Variants in EXOC4 observed in about 807,000 individuals in gnomAD.
The protein encoded by EXOC4 is SEC8-like 1.
A neutral mutation model predicts 107.2 loss-of-function variants in EXOC4; 71 were observed. The ratio of observed to expected loss-of-function variants is 0.66; its 90% CI spans 0.55 to 0.81. The LOEUF is 0.81. Among genes scored for constraint, EXOC4 ranks in the 30% least tolerant of loss-of-function variants. EXOC4 has a pLI of 0.00. For synonymous variants in EXOC4, 456 were observed against 441.2 expected, an observed-to-expected ratio of 1.03 and a Z score of -0.42; for missense variants, 1,108 against 1,189.6, an observed-to-expected ratio of 0.93 and a Z score of 1.01.
At position 133,578,228 on chromosome 7, in the gene EXOC4, CATCTT is replaced by C. The variant is rs150036679; in HGVS notation, c.1418-51815_1418-51811del. 2.9e-3 allele frequency among the ~76,000 whole-genome samples: 444 copies of C among 152,266 alleles called. 4 individuals are homozygous for C. The highest frequency in any genetic ancestry group is 4.4e-3 in the Non-Finnish European group (297 of 67,994). On this transcript the variant is annotated intron_variant, in intron 9 of 17. Transcript: ENST00000253861. ...TCCCTTTTAAATCAGTTTCACCTCT[CATCTT>C]AGACTTATCGGGATTTTTATGAATG...
At chr7:133,540,041 C>T (rs1800349243) in intron 9 of EXOC4, among the ~76,000 whole-genome samples, 2 of 152,070 alleles carry the variant, frequency 1.3e-5, no homozygotes, top group Non-Finnish European at 2.9e-5. Flanking sequence ...CCACCAGCAA[C>T]CTCTAAAACC....
At chr7:134,008,944 T>G (rs1444562885) in intron 17 of EXOC4, among the ~76,000 whole-genome samples, 1 of 152,200 alleles carries the variant, frequency 6.6e-6, no homozygotes, top group African/African-American at 2.4e-5. Flanking sequence ...ATCTCAATTT[T>G]TAATGTTTTT....
chr7:133,647,906 A>G (rs1169759136), intron 10 of EXOC4, among the ~76,000 whole-genome samples: 1 of 152,144 alleles, frequency 6.6e-6, no homozygotes, highest in Non-Finnish European at 1.5e-5. Flanking sequence ...CCTGCATTCC[A>G]GATAGTTCCC....
chr7:133,607,487 A>G (rs552312796), intron 9 of EXOC4, among the ~76,000 whole-genome samples: 2 of 152,356 alleles, frequency 1.3e-5, no homozygotes, highest in African/African-American at 4.8e-5. Context: ...CATCAAAAGG[A>G]CATTGTACCT....
chr7:134,073,853 C>G, the EXOC4 span, among the ~76,000 whole-genome samples: 2 of 152,110 alleles, frequency 1.3e-5, no homozygotes, highest in African/African-American at 2.4e-5. Context: ...GCGGGGTGAG[C>G]ACTACGTCAT....
intron 11 of EXOC4, among the ~76,000 whole-genome samples, chr7:133,875,744 G>T (rs1028563392): frequency 6.6e-6 from 1 of 152,066 alleles, no homozygotes; most frequent in South Asian, 2.1e-4. Flanking sequence ...TGTAAACCTA[G>T]CTTTGGCCTC....
intron 11 of EXOC4, among the ~76,000 whole-genome samples, chr7:133,856,237 T>C (rs1798370311): frequency 6.6e-6 from 1 of 152,196 alleles, no homozygotes; most frequent in Admixed American, 6.5e-5. Flanking sequence ...ACAGCACCTA[T>C]ATGGGAATTC....
At chr7:133,794,085 G>A (rs1481279473) in intron 10 of EXOC4, among the ~76,000 whole-genome samples, 1 of 152,070 alleles carries the variant, frequency 6.6e-6, no homozygotes, top group African/African-American at 2.4e-5. Flanking sequence ...GAAGAGGTAG[G>A]TTCAAGGACC....
At chr7:133,959,759 G>A (rs1274442232) in intron 14 of EXOC4, among the ~76,000 whole-genome samples, 1 of 151,842 alleles carries the variant, frequency 6.6e-6, no homozygotes, top group Non-Finnish European at 1.5e-5. Flanking sequence ...AAGCAGAAAA[G>A]CAATGATTTG....
At chr7:133,913,350 A>G (rs757841673) in intron 12 of EXOC4, among the ~76,000 whole-genome samples, 9 of 152,234 alleles carry the variant, frequency 5.9e-5, no homozygotes, top group Non-Finnish European at 1.0e-4. Flanking sequence ...TTGGATGTGT[A>G]GTTTAGAAAA....
intron 9 of EXOC4, among the ~76,000 whole-genome samples, chr7:133,495,233 CAA>C (rs1325341744): frequency 6.6e-6 from 1 of 151,220 alleles, no homozygotes; most frequent in African/African-American, 2.4e-5. Flanking sequence ...GCCTGGGTGA[CAA>C]GAGCGAAACT....
At chr7:133,269,712 G>A (rs547149464) in intron 1 of EXOC4, among the ~76,000 whole-genome samples, 4 of 152,278 alleles carry the variant, frequency 2.6e-5, no homozygotes, top group African/African-American at 9.6e-5. Flanking sequence ...TTTAAAAATG[G>A]AATGTAGTTT....
intron 15 of EXOC4, 25 bp from the exon 16 acceptor site, chr7:134,004,887 C>T (rs1029532493): frequency 3.1e-6 from 5 of 1,591,310 alleles, no homozygotes; most frequent in East Asian, 4.5e-5. Flanking sequence ...TTATTAACTG[C>T]TCTCCCTATC....
chr7:133,257,901 G>C (rs1795054393), intron 1 of EXOC4, among the ~76,000 whole-genome samples: 1 of 152,186 alleles, frequency 6.6e-6, no homozygotes, highest in East Asian at 1.9e-4. Context: ...TGTTGAAGGG[G>C]TCCAGGCTTT....
chr7:133,710,646 T>C (rs772197193), intron 10 of EXOC4, among the ~76,000 whole-genome samples: 3 of 130,452 alleles, frequency 2.3e-5, no homozygotes, highest in Non-Finnish European at 3.2e-5. Context: ...GGCGACAGAG[T>C]GAGACTCTGT....
chr7:133,409,090 A>G (rs1469159286), intron 7 of EXOC4, among the ~76,000 whole-genome samples: 3 of 152,150 alleles, frequency 2.0e-5, no homozygotes. Context: ...ATAAATCACC[A>G]TTGTTCTTAC....
chr7:134,016,522 A>G (rs1288170776), intron 17 of EXOC4, among the ~76,000 whole-genome samples: 1 of 152,206 alleles, frequency 6.6e-6, no homozygotes, highest in African/African-American at 2.4e-5. Flanking sequence ...TTCCCAATAA[A>G]TGGAAGCATT....
chr7:133,467,718 C>G (rs1798766014), intron 7 of EXOC4, among the ~76,000 whole-genome samples: 1 of 151,384 alleles, frequency 6.6e-6, no homozygotes, highest in African/African-American at 2.4e-5. Context: ...TTTCCCATCA[C>G]TATGTATTTG....
intron 9 of EXOC4, among the ~76,000 whole-genome samples, chr7:133,533,330 C>T (rs62469985): frequency 0.15 from 22,456 of 152,060 alleles, 2,055 homozygotes; most frequent in Non-Finnish European, 0.2. Context: ...TCTCTATAAA[C>T]GCTTGTGTTG....
Sources: gnomAD v4.1 joint callset for allele counts (sites outside exome capture counted in the v4.1 genomes callset) on GRCh38, gnomAD v4.1.1 for gene constraint, MANE v1.5 for transcripts, NCBI Gene and HGNC (gene_info 2026-07-23, HGNC 2026-07-21) for gene names.